CCDC93: variants seen among roughly 807,000 people sequenced by gnomAD.
CCDC93 encodes coiled-coil domain-containing protein 93.
In CCDC93, 61 loss-of-function variants were observed where a neutral mutation model predicts 108.2. The ratio of observed to expected loss-of-function variants is 0.56; its 90% CI spans 0.46 to 0.70. The LOEUF (loss-of-function observed/expected upper bound fraction) is 0.70, where lower values mean the gene tolerates loss of function less well. Ranked by LOEUF, CCDC93 falls within the 30% of genes least tolerant of loss-of-function variation. The probability of loss-of-function intolerance (pLI) is 0.00; values close to 1 mark genes in which losing one functional copy is unlikely to be tolerated. For missense variants in CCDC93, 685 were observed against 764.2 expected, an observed-to-expected ratio of 0.90 and a Z score of 1.22; for synonymous variants, 276 against 260.4, an observed-to-expected ratio of 1.06 and a Z score of -0.58.
At chr2:117,979,022 GA>G in intron 7 of CCDC93, among the ~76,000 whole-genome samples, 1 of 152,118 alleles carries the variant, frequency 6.6e-6, no homozygotes, top group South Asian at 2.1e-4. Flanking sequence ...ATAAATAAAT[GA>G]AAATAAAGAA....
chr2:117,995,520 G>C lies in CCDC93; in HGVS notation c.463-18C>G. The C allele has an allele frequency of 6.2e-7, 1 of 1,603,334 alleles. No individual in the cohort carries two copies. Among genetic ancestry groups the C allele is most frequent in the Non-Finnish European group, 8.5e-7 (1 of 1,170,692 alleles). Reference sequence around the variant, plus strand: ...TCATCATCCTACAAGACAAAACAGAGCGATTAAACAAATCCCAAGGGAAAA... The same window carrying C: ...TCATCATCCTACAAGACAAAACAGACCGATTAAACAAATCCCAAGGGAAAA... On this transcript the variant is annotated intron_variant, in intron 5 of 23. Transcript: ENST00000376300.
chr2:117,963,217 C>G (rs1023796821), intron 11 of CCDC93, among the ~76,000 whole-genome samples: 2 of 152,214 alleles, frequency 1.3e-5, no homozygotes, highest in Non-Finnish European at 2.9e-5. Context: ...GACAGCAGAA[C>G]TGCATCTGTA....
intron 10 of CCDC93, 33 bp downstream of exon 10, chr2:117,974,817 C>A: frequency 6.5e-7 from 1 of 1,534,090 alleles, no homozygotes; most frequent in Admixed American, 1.9e-5. Flanking sequence ...GGTGCCAAGT[C>A]CCCATCCCCA....
intron 23 of CCDC93, among the ~76,000 whole-genome samples, chr2:117,921,284 C>T (rs1366760376): frequency 6.6e-6 from 1 of 152,090 alleles, no homozygotes; most frequent in Non-Finnish European, 1.5e-5. Flanking sequence ...GTCCCATCCT[C>T]TGCCTGTAGA....
chr2:118,000,018 A>C (rs1342387230), intron 4 of CCDC93: 3 of 152,218 alleles, frequency 2.0e-5, no homozygotes, highest in Admixed American at 6.5e-5. Flanking sequence ...AGCTGGAGGC[A>C]AAGAGAAGTC....
intron 13 of CCDC93, chr2:117,950,878 T>C (rs986877707): frequency 2.5e-5 from 25 of 985,302 alleles, no homozygotes; most frequent in Non-Finnish European, 2.8e-5. Flanking sequence ...CCCGGCTGCA[T>C]GGCCTCTCTG....
chr2:117,979,026 A>C (rs1380368477), intron 7 of CCDC93, among the ~76,000 whole-genome samples: 1 of 152,124 alleles, frequency 6.6e-6, no homozygotes, highest in Non-Finnish European at 1.5e-5. Context: ...ATAAATGAAA[A>C]TAAAGAACAA....
intron 7 of CCDC93, among the ~76,000 whole-genome samples, chr2:117,981,458 A>G (rs1248638966): frequency 1.3e-5 from 2 of 152,156 alleles, no homozygotes; most frequent in African/African-American, 4.8e-5. Context: ...GCAGTGCCGC[A>G]TGCTTCCATT....
At chr2:117,972,894 A>G (rs1306857235) in intron 11 of CCDC93, among the ~76,000 whole-genome samples, 1 of 152,206 alleles carries the variant, frequency 6.6e-6, no homozygotes, top group African/African-American at 2.4e-5. Context: ...AGATTGGACT[A>G]GAAAGCCCAT....
intron 12 of CCDC93, among the ~76,000 whole-genome samples, chr2:117,953,728 CAAA>C (rs11310138): frequency 1.5e-4 from 20 of 132,232 alleles, no homozygotes; most frequent in Non-Finnish European, 2.7e-4. Flanking sequence ...CTGCTGTCTC[CAAA>C]AAAAAAAAAA....
intron 1 of CCDC93, among the ~76,000 whole-genome samples, chr2:118,009,334 G>A (rs1175292159): frequency 6.6e-6 from 1 of 152,070 alleles, no homozygotes; most frequent in East Asian, 1.9e-4. Flanking sequence ...TCGTACCACC[G>A]TACTCCAGCC....
In CCDC93 at chr2:117,996,335, T is replaced by C; in HGVS notation, c.391A>G (p.Lys131Glu). 5 of 1,613,746 alleles carry C rather than the reference T, an allele frequency of 3.1e-6. No individual in the cohort carries two copies. The highest frequency in any genetic ancestry group is 4.2e-6 in the Non-Finnish European group (5 of 1,179,648). ...CGGATATAGTCACCCATCTCTTCTT[T>C]TGTTTCTATAGCTCGTTTCACCAGC... ...QWLVKRAIET[K>E]EEMGDYIRSY... is the part of the protein sequence containing the mutation. The change falls in exon 5 of 24, where the codon AAA becomes GAA. Residue 131 changes from lysine (K) to glutamate (E), a missense_variant. Transcript: ENST00000376300.
chr2:117,940,015 G>C (rs1203817127), intron 19 of CCDC93, among the ~76,000 whole-genome samples: 1 of 152,154 alleles, frequency 6.6e-6, no homozygotes. Context: ...AGCTTTTAGA[G>C]TAAAATGATC....
chr2:117,934,089 T>C (rs1312016187), intron 22 of CCDC93: 1 of 152,198 alleles, frequency 6.6e-6, no homozygotes, highest in African/African-American at 2.4e-5. Context: ...TGAGGCCCAC[T>C]TCTTCCCCTG....
chr2:117,920,362 A>C lies in CCDC93; in HGVS notation c.1877T>G (p.Val626Gly). ...GGATGTTCAGGAGGCCTTCGCTTTC[A>C]CCTTGGACAGCAGCATCTCGTTCTT... ...GRKNEMLLSK[V>G]KAKAS is the part of the protein sequence containing the mutation. Residue 626 changes from valine (V) to glycine (G), a missense_variant, in exon 24 of 24, where the codon GTG (valine) becomes GGG (glycine). Val to Gly is a moderately radical substitution (Grantham distance 109). Transcript: ENST00000376300. 6.2e-7 allele frequency: 1 copy of C among 1,613,412 alleles called. No homozygotes were observed.
At chr2:118,010,132 T>C (rs1676985792) in intron 1 of CCDC93, among the ~76,000 whole-genome samples, 1 of 152,120 alleles carries the variant, frequency 6.6e-6, no homozygotes, top group Admixed American at 6.5e-5. Flanking sequence ...TGTTTTTGTA[T>C]TTTTAGTAGA....
At position 117,937,351 on chromosome 2, in the gene CCDC93, G is replaced by A. The variant is rs1437439102; in HGVS notation, c.1606-612C>T. ...CTGAGGCAGGAGTAAGGAAACCTGG[G>A]TCATCTTTCTGGCCATAAAACTACT... On this transcript the variant is annotated intron_variant, in intron 20 of 23. Coordinates refer to ENST00000376300, the MANE Select transcript of CCDC93 (RefSeq NM_019044.5). Among the ~76,000 whole-genome samples, 3 of 152,100 alleles carry A rather than the reference G, an allele frequency of 2.0e-5. No homozygotes were observed. In the East Asian group the frequency reaches 5.8e-4, roughly 29 times the overall value.
chr2:117,994,918 C>G (rs752430359), intron 6 of CCDC93, among the ~76,000 whole-genome samples: 1 of 152,160 alleles, frequency 6.6e-6, no homozygotes. Context: ...ACAGCTCTGG[C>G]CCAGAGTGTT....
chr2:117,946,763 T>C (rs750830002), intron 16 of CCDC93, 48 bp downstream of exon 16: 1 of 1,348,862 alleles, frequency 7.4e-7, no homozygotes, highest in Non-Finnish European at 1.1e-6. Context: ...ACTATCTTTT[T>C]CCCGTAATAG....
Sources: gnomAD v4.1 joint callset for allele counts (sites outside exome capture counted in the v4.1 genomes callset) on GRCh38, gnomAD v4.1.1 for gene constraint, MANE v1.5 for transcripts, NCBI Gene and HGNC (gene_info 2026-07-23, HGNC 2026-07-21) for gene names.